The following NKPD1 variants were observed in gnomAD, a reference collection of about 807,000 sequenced individuals.
The protein encoded by NKPD1 is NTPase KAP family P-loop domain-containing protein 1.
Under a neutral mutation model 42.2 loss-of-function variants are expected in NKPD1, and 37 were observed. That is an observed-to-expected ratio of 0.88 (90% CI 0.67 to 1.15). The LOEUF (loss-of-function observed/expected upper bound fraction) is 1.15. NKPD1 is among the 50% of genes most tolerant of loss of function. The pLI, the probability that NKPD1 is intolerant of heterozygous loss-of-function variation, is 0.00. For synonymous variants in NKPD1, 552 were observed against 536.5 expected, an observed-to-expected ratio of 1.03 and a Z score of -0.40; for missense variants, 1,113 against 1,174.6, an observed-to-expected ratio of 0.95 and a Z score of 0.77.
intron 1 of NKPD1, 44 bp from the exon 2 acceptor site, chr19:45,160,265 TGCCCGA>T: frequency 6.1e-6 from 3 of 489,416 alleles, no homozygotes; most frequent in Non-Finnish European, 1.0e-5. Flanking sequence ...GTCCCTGCCC[TGCCCGA>T]CAGCTTGGAC....
At chr19:45,155,941 G>A (rs1434708013) in intron 3 of NKPD1, 25 bp from the exon 4 acceptor site, 1 of 1,300,918 alleles carries the variant, frequency 7.7e-7, no homozygotes, top group East Asian at 5.6e-5. Context: ...TGGGGACACT[G>A]AGTCAGGACC....
Position 45,158,222 on chromosome 19 carries a change from C to T in NKPD1, c.529+441G>A, listed in dbSNP as rs924449493. ...GAGAGAGCAAGCAAGTGGGTCTTCC[C>T]ATTGCTGACCTTTGCTCTCCGTTCC... On this transcript the variant is annotated intron_variant, in intron 3 of 4. Transcript: ENST00000686631. This position sits in a 1 kb window ranked among gnomAD's most constrained non-coding sequence, Gnocchi z 4.6. 1.3e-5 allele frequency among the ~76,000 whole-genome samples: 2 copies of T among 152,206 alleles called. No individual in the cohort carries two copies. The highest frequency in any genetic ancestry group is 4.8e-5 in the African/African-American group (2 of 41,448).
At chr19:45,156,732 A>G (rs2122791391) in intron 3 of NKPD1, among the ~76,000 whole-genome samples, 1 of 152,320 alleles carries the variant, frequency 6.6e-6, no homozygotes, top group South Asian at 2.1e-4. Flanking sequence ...GAAATGGGGT[A>G]TCAAAAAGGT....
chr19:45,152,142 C>CGG lies in NKPD1; in HGVS notation c.2293_2294dup (p.Pro766ArgfsTer111). The stretch of plus-strand genomic sequence containing the variant: ...GGGTAGGGGACTTGGGCGGGCTGGG[C>CGG]GGCTTGAGCGCGCTGACGGCTCGGA... On this transcript the variant is annotated frameshift_variant, in exon 5 of 5. Coordinates refer to ENST00000686631, the MANE Select transcript of NKPD1 (RefSeq NM_198478.4). LOFTEE classifies it low-confidence loss of function (END_TRUNC). 1 of 1,599,860 alleles carries CGG rather than the reference C, an allele frequency of 6.3e-7. No homozygotes were observed. Among genetic ancestry groups the CGG allele is most frequent in the Non-Finnish European group, 8.5e-7 (1 of 1,174,250 alleles).
chr19:45,161,253 C>T (rs1348099804), upstream of NKPD1, among the ~76,000 whole-genome samples: 1 of 152,214 alleles, frequency 6.6e-6, no homozygotes, highest in African/African-American at 2.4e-5. Flanking sequence ...GGGATGCCAG[C>T]TCCTCCGTGG....
In NKPD1 at chr19:45,152,314, A is replaced by C. The variant is rs752475659; in HGVS notation, c.2123T>G (p.Leu708Trp). 4.3e-6 allele frequency: 7 copies of C among 1,610,620 alleles called. No individual in the cohort carries two copies. Among genetic ancestry groups the C allele is most frequent in the Admixed American group, 1.7e-5 (1 of 59,884 alleles). ...SRELHTMTKA[L>W]QNVLDLDGDP... ...GCCGTCCAGGTCGAGCACGTTCTGCAACGCCTTGGTCATGGTGTGCAGCTC... is the reference window on the plus strand; with the variant it reads ...GCCGTCCAGGTCGAGCACGTTCTGCCACGCCTTGGTCATGGTGTGCAGCTC... Residue 708 changes from leucine (L) to tryptophan (W), a missense_variant, in exon 5 of 5, where the codon TTG becomes TGG. Leu to Trp is a moderately conservative substitution (Grantham distance 61). This residue lies in a region of NKPD1 where 867 missense variants were observed against 870.1 expected (regional missense o/e 1.00). Transcript: ENST00000686631.
In NKPD1 at chr19:45,153,579, G is replaced by A. The variant is rs1435472626; in HGVS notation, c.858C>T (p.Tyr286=). The change falls in exon 5 of 5, where the codon TAC becomes TAT. Residue 286 remains tyrosine (Y), a synonymous_variant. Coordinates refer to ENST00000686631, the MANE Select transcript of NKPD1 (RefSeq NM_198478.4). ...FLFIRFSAWQ[Y]AGTDKLWAGL... ...CGGCCCACAGCTTGTCGGTGCCCGC[G>A]TACTGCCAGGCGCTAAAGCGGATGA... The A allele has an allele frequency of 1.0e-5, 16 of 1,561,608 alleles. No homozygotes were observed. Among genetic ancestry groups the A allele is most frequent in the South Asian group, 2.3e-5 (2 of 86,438 alleles).
Position 45,153,791 on chromosome 19 carries a change from C to CCGGGAGCCG in NKPD1, c.662-25_662-17dup, listed in dbSNP as rs1968849571. On this transcript the variant is annotated splice_polypyrimidine_tract_variant and intron_variant, in intron 4 of 4. Transcript: ENST00000686631. Reference sequence around the variant, plus strand: ...TGCATCAGCGCTGCGGGAAGGGAGCCCGGGAGCCGCGTGAGCCGCAGACCC... The same window carrying CCGGGAGCCG: ...TGCATCAGCGCTGCGGGAAGGGAGCCCGGGAGCCGCGGGAGCCGCGTGAGCCGCAGACCC... 19 of 1,433,106 alleles carry CCGGGAGCCG rather than the reference C, an allele frequency of 1.3e-5. 1 individual carries two copies. The highest frequency in any genetic ancestry group is 1.6e-5 in the Non-Finnish European group (18 of 1,093,988). 88.8% of individuals were successfully genotyped at this position (1,433,106 alleles called of 1,614,324 possible).
Position 45,152,306 on chromosome 19 carries a change from C to T in NKPD1, c.2131G>A (p.Val711Met), listed in dbSNP as rs1160674711. 1.9e-6 allele frequency: 3 copies of T among 1,610,804 alleles called. No individual in the cohort carries two copies. The change falls in exon 5 of 5, where the codon GTG becomes ATG. Residue 711 changes from valine to methionine, a missense_variant. This residue lies in a region of NKPD1 where 867 missense variants were observed against 870.1 expected (regional missense o/e 1.00). Transcript: ENST00000686631. ...TCGGGGTCGCCGTCCAGGTCGAGCA[C>T]GTTCTGCAACGCCTTGGTCATGGTG... The part of the protein sequence containing the change: ...LHTMTKALQN[V>M]LDLDGDPELF...
Position 45,152,441 on chromosome 19 carries a change from G to A in NKPD1, c.1996C>T (p.Arg666Cys). The A allele has an allele frequency of 1.9e-6, 3 of 1,559,890 alleles. No individual in the cohort carries two copies. The highest frequency in any genetic ancestry group is 2.6e-6 in the Non-Finnish European group (3 of 1,156,688). The change falls in exon 5 of 5, where the codon CGC becomes TGC. Residue 666 changes from arginine (R) to cysteine (C), a missense_variant. Coordinates refer to ENST00000686631, the MANE Select transcript of NKPD1 (RefSeq NM_198478.4). ...AGGCACTGCAGCGCCCAGCTCAGGC[G>A]GCACGGCCACTGGTTGGCGAGCACC... is the stretch of plus-strand genomic sequence containing the variant. ...WVVLANQWPC[R>C]LSWALQCLED...
chr19:45,155,684 T>C (rs1196484354), intron 4 of NKPD1, 101 bp downstream of exon 4: 2 of 1,146,198 alleles, frequency 1.7e-6, no homozygotes. Context: ...TGGGGCAGGC[T>C]GGCCACAGGG....
Position 45,152,253 on chromosome 19 carries a change from G to C in NKPD1, c.2184C>G (p.Asp728Glu), listed in dbSNP as rs1279058829. 1 of 1,608,756 alleles carries C rather than the reference G, an allele frequency of 6.2e-7. No individual in the cohort carries two copies. The highest frequency in any genetic ancestry group is 8.5e-7 in the Non-Finnish European group (1 of 1,178,274). Residue 728 changes from aspartate (D) to glutamate (E), a missense_variant, in exon 5 of 5, where the codon GAC becomes GAG. Coordinates refer to ENST00000686631, the MANE Select transcript of NKPD1 (RefSeq NM_198478.4). ...GCGCCTCGGCCACGGTGAAGGGGAA[G>C]TCGGCGCCCAGGAAGCGCTCGAAGA... ...PELFERFLGA[D>E]FPFTVAEAQS...
Position 45,152,301 on chromosome 19 carries a change from G to C in NKPD1, c.2136C>G (p.Leu712=), listed in dbSNP as rs750520530. 1.9e-6 allele frequency: 3 copies of C among 1,610,892 alleles called. No individual in the cohort carries two copies. Among genetic ancestry groups the C allele is most frequent in the South Asian group, 1.1e-5 (1 of 90,810 alleles). The change falls in exon 5 of 5, where the codon CTC becomes CTG. Residue 712 remains leucine (L), a synonymous_variant. Coordinates refer to ENST00000686631, the MANE Select transcript of NKPD1 (RefSeq NM_198478.4). ...HTMTKALQNV[L]DLDGDPELFE... Reference sequence around the variant, plus strand: ...AGAGCTCGGGGTCGCCGTCCAGGTCGAGCACGTTCTGCAACGCCTTGGTCA... The same window carrying C: ...AGAGCTCGGGGTCGCCGTCCAGGTCCAGCACGTTCTGCAACGCCTTGGTCA...
chr19:45,159,695 G>C lies in NKPD1; in HGVS notation c.91+365C>G, dbSNP rs552356447. 6.6e-5 allele frequency among the ~76,000 whole-genome samples: 10 copies of C among 152,258 alleles called. No homozygotes were observed. In the South Asian group the frequency reaches 2.1e-3, roughly 32 times the overall value. On this transcript the variant is annotated intron_variant, in intron 2 of 4. Coordinates refer to ENST00000686631, the MANE Select transcript of NKPD1 (RefSeq NM_198478.4). ...ACAAGATCACCTGTGGTCACCACCAGAAACTGGGCCCAGCCTCATCCAGAC... is the reference window on the plus strand; with the variant it reads ...ACAAGATCACCTGTGGTCACCACCACAAACTGGGCCCAGCCTCATCCAGAC...
Position 45,160,177 on chromosome 19 carries a change from G to C in NKPD1, c.-27C>G, listed in dbSNP as rs1482069784. ...GCAGCCGGGCAGCTGGGTGCTGGGG[G>C]CCTGCTCCTGAGGCAGGAGGGAGCA... is the stretch of plus-strand genomic sequence containing the variant. On this transcript the variant is annotated 5_prime_UTR_variant, in exon 2 of 5. Coordinates refer to ENST00000686631, the MANE Select transcript of NKPD1 (RefSeq NM_198478.4). The C allele has an allele frequency of 1.2e-5, 15 of 1,275,882 alleles. No homozygotes were observed. Among genetic ancestry groups the C allele is most frequent in the Non-Finnish European group, 1.6e-5 (15 of 963,414 alleles). 79.0% of individuals were successfully genotyped at this position (1,275,882 alleles called of 1,614,324 possible).
chr19:45,160,995 C>A (rs1968994214), upstream of NKPD1, among the ~76,000 whole-genome samples: 1 of 152,144 alleles, frequency 6.6e-6, no homozygotes, highest in Non-Finnish European at 1.5e-5. Flanking sequence ...ACTGTCAGCG[C>A]AGGCCCATCC....
chr19:45,162,682 G>T (rs1384685708), upstream of NKPD1, among the ~76,000 whole-genome samples: 1 of 152,166 alleles, frequency 6.6e-6, no homozygotes, highest in Non-Finnish European at 1.5e-5. Flanking sequence ...TCCCCAGGAA[G>T]ACGCTCCGTT....
At chr19:45,161,532 C>A (rs1352312115), upstream of NKPD1, among the ~76,000 whole-genome samples, 2 of 152,248 alleles carry the variant, frequency 1.3e-5, no homozygotes, top group Non-Finnish European at 1.5e-5. Context: ...CCCAGGGGGC[C>A]AGGTGTGATG....
upstream of NKPD1, among the ~76,000 whole-genome samples, chr19:45,162,577 C>T (rs1326129248): frequency 2.0e-5 from 3 of 152,084 alleles, no homozygotes; most frequent in Admixed American, 6.5e-5. Flanking sequence ...CCGCGTGTGT[C>T]CATGGGGGTG....
Sources: gnomAD v4.1 joint callset for allele counts (sites outside exome capture counted in the v4.1 genomes callset) on GRCh38, gnomAD v4.1.1 for gene constraint, gnomAD v4.1.1 regional missense constraint, Gnocchi (gnomAD v3.1) non-coding constraint, MANE v1.5 for transcripts, NCBI Gene and HGNC (gene_info 2026-07-23, HGNC 2026-07-21) for gene names.